Variants in FAM178B observed in about 807,000 individuals in gnomAD.
FAM178B encodes family with sequence similarity 178 member B, also known as protein FAM178B.
Under a neutral mutation model 91.7 loss-of-function variants are expected in FAM178B, and 82 were observed. The ratio of observed to expected loss-of-function variants is 0.89; its 90% CI spans 0.75 to 1.07. FAM178B has a LOEUF of 1.07. Among genes scored for constraint, FAM178B ranks in the 50% least tolerant of loss-of-function variants. The probability of loss-of-function intolerance (pLI) is 0.00; values close to 1 mark genes in which losing one functional copy is unlikely to be tolerated. For missense variants in FAM178B, 769 were observed against 846.7 expected (o/e 0.91, Z 1.14); for synonymous variants, 368 against 359.4 (o/e 1.02, Z -0.27).
At chr2:96,879,887 G>T (rs886253256) in intron 14 of FAM178B, among the ~76,000 whole-genome samples, 9 of 152,258 alleles carry the variant, frequency 5.9e-5, no homozygotes, top group African/African-American at 2.2e-4. Flanking sequence ...GCGATGCACT[G>T]CTGGCTCCCT....
At position 96,979,275 on chromosome 2, in the gene FAM178B, A is replaced by ATTT. The variant is rs745659064; in HGVS notation, c.74-6672_74-6670dup. 1.1e-3 allele frequency among the ~76,000 whole-genome samples: 124 copies of ATTT among 114,394 alleles called. 4 individuals are homozygous for ATTT. Among genetic ancestry groups the ATTT allele is most frequent in the Middle Eastern group, 0.014 (2 of 148 alleles). The allele number at this position is 114,394 out of a possible 152,430, so 75.0% of individuals were successfully genotyped here. A position where few individuals can be genotyped will look rare whatever the true frequency, so the allele number is the denominator to read the frequency against. On this transcript the variant is annotated intron_variant, in intron 1 of 16. Transcript: ENST00000490605. ...CAGGCGTGAGCCACTGCGCCCAGGC[A>ATTT]TTTTTTTTTTTTTTTTTTTCCTGAG...
intron 3 of FAM178B, 101 bp from the exon 4 acceptor site, chr2:96,970,878 C>T (rs991303449): frequency 5.6e-5 from 50 of 894,914 alleles, no homozygotes; most frequent in Non-Finnish European, 8.1e-5. Context: ...ATTTTGTTTG[C>T]TTTTCTGAAA....
At chr2:96,912,979 C>T (rs903884645) in intron 12 of FAM178B, among the ~76,000 whole-genome samples, 2 of 152,164 alleles carry the variant, frequency 1.3e-5, no homozygotes, top group African/African-American at 4.8e-5. Context: ...CTTGGAGCTG[C>T]GGCAGGAGCT....
At chr2:96,914,152 T>C (rs886824843) in intron 12 of FAM178B, among the ~76,000 whole-genome samples, 1 of 152,216 alleles carries the variant, frequency 6.6e-6, no homozygotes, top group African/African-American at 2.4e-5. Flanking sequence ...GAGCTCATAC[T>C]CATGGGGAGG....
Position 96,892,862 on chromosome 2 carries a change from C to T in FAM178B, c.1776+1064G>A, listed in dbSNP as rs77623518. On this transcript the variant is annotated intron_variant, in intron 14 of 16. Coordinates refer to ENST00000490605, the MANE Select transcript of FAM178B (RefSeq NM_001122646.3). Reference sequence around the variant, plus strand: ...GGCCCCATAACCAGCCCATAACCAGCTCCAGTTTCTGGGGAAATACTTGGC... The same window carrying T: ...GGCCCCATAACCAGCCCATAACCAGTTCCAGTTTCTGGGGAAATACTTGGC... Among the ~76,000 whole-genome samples, 523 of 152,318 alleles carry T rather than the reference C, an allele frequency of 3.4e-3. 13 individuals carry two copies. The East Asian group carries it at 0.047, about 14-fold the overall frequency.
chr2:96,959,199 G>GA (rs57498168), intron 6 of FAM178B, among the ~76,000 whole-genome samples: 1,275 of 81,820 alleles, frequency 0.016, 49 homozygotes, highest in African/African-American at 0.028. Context: ...ACTCAGTTTT[G>GA]AAAAAAAAAA....
chr2:96,974,158 G>A (rs1231539259), intron 1 of FAM178B, among the ~76,000 whole-genome samples: 3 of 151,750 alleles, frequency 2.0e-5, no homozygotes, highest in African/African-American at 4.8e-5. Context: ...TGAGGTGGGC[G>A]GATCATGAGG....
chr2:96,931,859 T>G (rs568891217), intron 8 of FAM178B, among the ~76,000 whole-genome samples: 5 of 151,786 alleles, frequency 3.3e-5, no homozygotes, highest in South Asian at 4.2e-4. Context: ...TTTGTTTGTT[T>G]TTTTTTTTTT....
chr2:96,898,168 T>G, intron 13 of FAM178B: 1 of 966,662 alleles, frequency 1.0e-6, no homozygotes, highest in Non-Finnish European at 1.2e-6. Flanking sequence ...ATAGGATTTC[T>G]CCAGCACTTG....
intron 14 of FAM178B, among the ~76,000 whole-genome samples, chr2:96,883,450 C>A (rs2080439071): frequency 6.6e-6 from 1 of 152,196 alleles, no homozygotes; most frequent in South Asian, 2.1e-4. Flanking sequence ...TAACCTTTCT[C>A]CCCCATCAGG....
In FAM178B at chr2:96,913,969, G is replaced by A. The variant is rs555402201; in HGVS notation, c.1562+7196C>T. 5.3e-5 allele frequency among the ~76,000 whole-genome samples: 8 copies of A among 152,354 alleles called. No individual in the cohort carries two copies. In the East Asian group the frequency reaches 1.2e-3, roughly 22 times the overall value. On this transcript the variant is annotated intron_variant, in intron 12 of 16. Coordinates refer to ENST00000490605, the MANE Select transcript of FAM178B (RefSeq NM_001122646.3). The stretch of plus-strand genomic sequence containing the variant: ...CACAGGAAGGAAGCCCACACCCCCC[G>A]CAAACCTCAATGTATTTCCATCACA...
At chr2:96,951,602 C>T (rs963741722) in intron 6 of FAM178B, 118 bp from the exon 7 acceptor site, 20 of 739,858 alleles carry the variant, frequency 2.7e-5, no homozygotes, top group South Asian at 1.9e-4. Flanking sequence ...ATATCTGTAA[C>T]GCTAGAGACA....
intron 12 of FAM178B, among the ~76,000 whole-genome samples, chr2:96,918,832 C>T (rs2081284685): frequency 2.0e-5 from 3 of 152,280 alleles, no homozygotes; most frequent in South Asian, 4.2e-4. Flanking sequence ...CCTGACTTAA[C>T]CGGTTTATGT....
chr2:96,937,115 G>C (rs913650587), intron 8 of FAM178B, among the ~76,000 whole-genome samples: 3 of 101,082 alleles, frequency 3.0e-5, no homozygotes, highest in African/African-American at 2.6e-4. Context: ...GACTGGTATG[G>C]AACTCCTGAG....
At chr2:96,892,839 C>A (rs1417780044) in intron 14 of FAM178B, among the ~76,000 whole-genome samples, 4 of 152,158 alleles carry the variant, frequency 2.6e-5, no homozygotes, top group Non-Finnish European at 5.9e-5. Flanking sequence ...TCTCTAGAGG[C>A]CCCATAACCA....
At chr2:96,972,635 G>A (rs970188184) in intron 1 of FAM178B, 29 bp from the exon 2 acceptor site, 1 of 1,543,640 alleles carries the variant, frequency 6.5e-7, no homozygotes, top group South Asian at 1.2e-5. Context: ...GAGGGCAGGT[G>A]AACCTCCAGA....
intron 7 of FAM178B, among the ~76,000 whole-genome samples, chr2:96,950,846 C>A (rs954602317): frequency 6.6e-6 from 1 of 152,234 alleles, no homozygotes; most frequent in Admixed American, 6.5e-5. Flanking sequence ...ACAGGAAGCA[C>A]ACGCTCAAAC....
intron 5 of FAM178B, among the ~76,000 whole-genome samples, chr2:96,962,913 C>G (rs1374121330): frequency 3.9e-5 from 6 of 152,152 alleles, no homozygotes; most frequent in Admixed American, 3.9e-4. Context: ...TGGCCCTATT[C>G]AGGGATGAAG....
At chr2:96,891,901 C>G (rs1171823531) in intron 14 of FAM178B, among the ~76,000 whole-genome samples, 1 of 152,230 alleles carries the variant, frequency 6.6e-6, no homozygotes, top group Admixed American at 6.5e-5. Context: ...GTAGGCATTT[C>G]CTCCAGGCTG....
Sources: allele counts gnomAD v4.1 joint callset (sites outside exome capture counted in the v4.1 genomes callset), GRCh38; gene constraint gnomAD v4.1.1; transcripts MANE v1.5; gene names NCBI Gene and HGNC (gene_info 2026-07-23, HGNC 2026-07-21).